The following BAZ2B variants were observed in gnomAD, a reference collection of about 807,000 sequenced individuals.
BAZ2B encodes the protein bromodomain adjacent to zinc finger domain protein 2B.
In BAZ2B, 91 loss-of-function variants were observed where a neutral mutation model predicts 246.0. The ratio of observed to expected loss-of-function variants is 0.37; its 90% CI spans 0.31 to 0.44. The LOEUF (loss-of-function observed/expected upper bound fraction) is 0.44, where lower values mean the gene tolerates loss of function less well. Ranked by LOEUF, BAZ2B falls within the 20% of genes least tolerant of loss-of-function variation. The pLI is 1.00. For synonymous variants in BAZ2B, 855 were observed against 860.0 expected, an observed-to-expected ratio of 0.99 and a Z score of 0.10; for missense variants, 2,332 against 2,533.7, an observed-to-expected ratio of 0.92 and a Z score of 1.71.
At chr2:159,384,705 T>C (rs1460025146) in intron 23 of BAZ2B, among the ~76,000 whole-genome samples, 1 of 143,184 alleles carries the variant, frequency 7.0e-6, no homozygotes, top group Non-Finnish European at 1.5e-5. Context: ...AAATACTCTA[T>C]GGTTCTATTA....
At chr2:159,411,882 A>G (rs3771715) in intron 14 of BAZ2B, 755,738 of 928,888 alleles carry the variant, frequency 0.81, 310,174 homozygotes, top group Non-Finnish European at 0.84. Context: ...AGGAGAACCC[A>G]AACTAAAAGA....
At chr2:159,355,579 T>C (rs2059019704) in intron 27 of BAZ2B, among the ~76,000 whole-genome samples, 1 of 152,196 alleles carries the variant, frequency 6.6e-6, no homozygotes, top group Admixed American at 6.5e-5. Flanking sequence ...AAGAACAGTA[T>C]TCATATCACA....
chr2:159,347,536 G>C lies in BAZ2B; in HGVS notation c.5404C>G (p.Gln1802Glu). ...ACTCTCCTTTCTAGATCTTCTACCT[G>C]TTGAAGGACACTCAAATCCATTTCC... Reference protein sequence around the residue: ...AMEMDLSVLQQVEDLERRVAS... With the variant: ...AMEMDLSVLQEVEDLERRVAS... Residue 1802 changes from glutamine (Q) to glutamate (E), a missense_variant, in exon 31 of 37, where the codon CAG becomes GAG. This residue lies in a region of BAZ2B where 676 missense variants were observed against 668.6 expected (regional missense o/e 1.01). Transcript: ENST00000392783. The C allele has an allele frequency of 1.2e-6, 2 of 1,613,824 alleles. No individual in the cohort carries two copies. The highest frequency in any genetic ancestry group is 1.7e-6 in the Non-Finnish European group (2 of 1,179,874).
the BAZ2B span, among the ~76,000 whole-genome samples, chr2:159,695,710 A>G: frequency 6.6e-6 from 1 of 152,248 alleles, no homozygotes; most frequent in South Asian, 2.1e-4. Context: ...GTCTAGTTAT[A>G]AAGTCTCAGT....
chr2:159,449,519 T>C (rs1039373917), intron 4 of BAZ2B, among the ~76,000 whole-genome samples: 1 of 152,218 alleles, frequency 6.6e-6, no homozygotes, highest in Non-Finnish European at 1.5e-5. Flanking sequence ...TAAAATGGTA[T>C]GCACCTTCAT....
upstream of BAZ2B, among the ~76,000 whole-genome samples, chr2:159,619,538 A>G (rs995020212): frequency 5.3e-5 from 8 of 150,868 alleles, no homozygotes; most frequent in South Asian, 1.5e-3. Flanking sequence ...CTATTTCAAT[A>G]AAAATAATAA....
intron 1 of BAZ2B, among the ~76,000 whole-genome samples, chr2:159,574,082 C>T (rs1421217079): frequency 6.6e-6 from 1 of 151,812 alleles, no homozygotes; most frequent in Admixed American, 6.6e-5. Flanking sequence ...CAGGATGACA[C>T]AGTGAGACCC....
intron 28 of BAZ2B, 41 bp from the exon 29 acceptor site, chr2:159,349,321 C>G (rs2058313392): frequency 6.7e-7 from 1 of 1,493,150 alleles, no homozygotes; most frequent in Non-Finnish European, 8.9e-7. Flanking sequence ...GTAGATTACT[C>G]TAAGAAGTTA....
At chr2:159,546,377 C>T (rs989090586) in intron 2 of BAZ2B, among the ~76,000 whole-genome samples, 4 of 151,414 alleles carry the variant, frequency 2.6e-5, no homozygotes, top group Admixed American at 2.0e-4. Flanking sequence ...ACTCCTTCAC[C>T]ATGATTCTGA....
chr2:159,366,172 C>T (rs2060196822), intron 27 of BAZ2B, among the ~76,000 whole-genome samples: 1 of 152,328 alleles, frequency 6.6e-6, no homozygotes, highest in African/African-American at 2.4e-5. Context: ...CCTACTCTTA[C>T]ATCTCGGCTC....
chr2:159,324,998 T>G (rs2063249021), intron 35 of BAZ2B, 44 bp from the exon 36 acceptor site: 1 of 1,252,480 alleles, frequency 8.0e-7, no homozygotes, highest in African/African-American at 1.7e-5. Flanking sequence ...ACTTTACAAC[T>G]GTCTTATTTT....
At chr2:159,677,190 C>G in the BAZ2B span, among the ~76,000 whole-genome samples, 5 of 150,972 alleles carry the variant, frequency 3.3e-5, no homozygotes, top group African/African-American at 1.2e-4. Flanking sequence ...TAAAAATTCT[C>G]AAGAAAAAAT....
chr2:159,551,866 T>C (rs1334234194), intron 2 of BAZ2B, among the ~76,000 whole-genome samples: 2 of 152,204 alleles, frequency 1.3e-5, no homozygotes, highest in Non-Finnish European at 1.5e-5. Context: ...GTGTAGTATG[T>C]GCCATCTTTT....
rs771082940 is a variant in BAZ2B at position 159,348,718 on chromosome 2, A to G, written c.5253T>C (p.His1751=). Residue 1751 remains histidine (H), a synonymous_variant, in exon 30 of 37, where the codon CAT becomes CAC. Transcript: ENST00000392783. ...GGCAGGCTTGAGTAATATAATCCAA[A>G]TGTTTCTGAATTTGTTTTTGTAATG... ...EKALQKQIQK[H]LDYITQACLK... 79 of 1,611,950 alleles carry G rather than the reference A, an allele frequency of 4.9e-5. No individual in the cohort carries two copies. The highest frequency in any genetic ancestry group is 3.7e-4 in the South Asian group (33 of 90,336).
In BAZ2B at chr2:159,347,660, G is replaced by T. The variant is rs2068107792; in HGVS notation, c.5294-14C>A. The T allele has an allele frequency of 6.3e-7, 1 of 1,575,124 alleles. No homozygotes were observed. The highest frequency in any genetic ancestry group is 8.7e-7 in the Non-Finnish European group (1 of 1,154,826). ...CAATAATAGCAACTACATTTAAAAA[G>T]AAATTAATTTAAAAATCCACTTATT... On this transcript the variant is annotated splice_polypyrimidine_tract_variant and intron_variant, in intron 30 of 36. Coordinates refer to ENST00000392783, the MANE Select transcript of BAZ2B (RefSeq NM_013450.4).
rs114668662 is a variant in BAZ2B at position 159,590,753 on chromosome 2, C to A, written c.-46+25489G>T. Among the ~76,000 whole-genome samples the A allele has an allele frequency of 9.4e-3, 1,433 of 151,994 alleles. 24 individuals carry two copies. Among genetic ancestry groups the A allele is most frequent in the African/African-American group, 0.033 (1,386 of 41,450 alleles). The stretch of plus-strand genomic sequence containing the variant: ...CTAATTGCAAAGATGGGGGTGGGCA[C>A]GGTAGAATGGAAAGAAGCAAATTTT... On this transcript the variant is annotated intron_variant, in intron 1 of 36. Transcript: ENST00000392783.
chr2:159,374,684 T>C lies in BAZ2B; in HGVS notation c.4068+7A>G, dbSNP rs747582986. On this transcript the variant is annotated splice_region_variant and intron_variant, in intron 26 of 36. Coordinates refer to ENST00000392783, the MANE Select transcript of BAZ2B (RefSeq NM_013450.4). ...AGAAGTTAAATGTTAATCAGAAAAGTGCTTACTTTACTCAGTTTTTCAATC... is the reference window on the plus strand; with the variant it reads ...AGAAGTTAAATGTTAATCAGAAAAGCGCTTACTTTACTCAGTTTTTCAATC... 1.2e-6 allele frequency: 2 copies of C among 1,608,320 alleles called. No individual in the cohort carries two copies. Among genetic ancestry groups the C allele is most frequent in the Non-Finnish European group, 1.7e-6 (2 of 1,175,146 alleles).
the BAZ2B span, among the ~76,000 whole-genome samples, chr2:159,711,673 C>T: frequency 6.6e-6 from 1 of 152,156 alleles, no homozygotes; most frequent in Non-Finnish European, 1.5e-5. Flanking sequence ...AATATTTACA[C>T]ATAGTTAGAT....
the BAZ2B span, among the ~76,000 whole-genome samples, chr2:159,644,304 C>G: frequency 7.2e-5 from 11 of 152,186 alleles, no homozygotes; most frequent in Non-Finnish European, 1.2e-4. Flanking sequence ...TGGCAGGTCC[C>G]TAGCAACTCT....
Sources: gnomAD v4.1 joint callset for allele counts (sites outside exome capture counted in the v4.1 genomes callset) on GRCh38, gnomAD v4.1.1 for gene constraint, gnomAD v4.1.1 regional missense constraint, MANE v1.5 for transcripts, NCBI Gene and HGNC (gene_info 2026-07-23, HGNC 2026-07-21) for gene names.